The following CSMD2 variants were observed in gnomAD, a reference collection of about 807,000 sequenced individuals.
The protein encoded by CSMD2 is CUB and sushi domain-containing protein 2.
In CSMD2, 130 loss-of-function variants were observed where a neutral mutation model predicts 398.5. The ratio of observed to expected loss-of-function variants is 0.33; its 90% CI spans 0.28 to 0.38. The LOEUF is 0.38. Ranked by LOEUF, CSMD2 falls within the 10% of genes least tolerant of loss-of-function variation. CSMD2 has a pLI of 1.00. For missense variants in CSMD2, 3,829 were observed against 4,764.9 expected, an observed-to-expected ratio of 0.80 and a Z score of 5.78; for synonymous variants, 1,828 against 1,908.5, an observed-to-expected ratio of 0.96 and a Z score of 1.10.
rs1318757285 is a variant in CSMD2 at position 33,658,050 on chromosome 1, A to G, written c.4343T>C (p.Val1448Ala). Residue 1448 changes from valine (V) to alanine (A), a missense_variant, in exon 27 of 71, where the codon GTG (valine) becomes GCG (alanine). Val to Ala is a moderately conservative substitution (Grantham distance 64). Around this residue, in one of 5 missense-constraint regions of CSMD2, gnomAD observed 2,001 missense variants for 2,567.1 expected, o/e 0.78. Coordinates refer to ENST00000373381, the MANE Select transcript of CSMD2 (RefSeq NM_001281956.2). ...GDSWEAGDST[V>A]FQCDPGYALQ... Reference sequence around the variant, plus strand: ...CGCGTAGCCAGGGTCACACTGGAACACTGTGGAGTCGCCGGCTTCCCAACT... The same window carrying G: ...CGCGTAGCCAGGGTCACACTGGAACGCTGTGGAGTCGCCGGCTTCCCAACT... 1 of 1,614,192 alleles carries G rather than the reference A, an allele frequency of 6.2e-7. No individual in the cohort carries two copies. The highest frequency in any genetic ancestry group is 8.5e-7 in the Non-Finnish European group (1 of 1,180,034).
chr1:33,678,315 A>G (rs1337884240), intron 25 of CSMD2, among the ~76,000 whole-genome samples: 4 of 1,004 alleles, frequency 4.0e-3, no homozygotes, highest in Non-Finnish European at 5.4e-3. Flanking sequence ...TTATAAATTA[A>G]AAAAAAAAAA....
At chr1:33,725,225 A>C (rs2149205072) in intron 17 of CSMD2, 124 bp downstream of exon 17, 1 of 772,682 alleles carries the variant, frequency 1.3e-6, no homozygotes, top group South Asian at 1.8e-5. Flanking sequence ...TGAAGGGCAC[A>C]GCCTAGCCAA....
chr1:33,576,084 A>G (rs1660042734), intron 49 of CSMD2, among the ~76,000 whole-genome samples: 1 of 152,218 alleles, frequency 6.6e-6, no homozygotes, highest in Non-Finnish European at 1.5e-5. Flanking sequence ...ATCAGTATCG[A>G]CAGCTGTCAA....
intron 19 of CSMD2, among the ~76,000 whole-genome samples, chr1:33,723,975 T>C (rs1438328355): frequency 2.0e-5 from 3 of 152,196 alleles, no homozygotes; most frequent in Non-Finnish European, 4.4e-5. Flanking sequence ...CTAAGAGCTC[T>C]TCCAGCAGGG....
At chr1:33,697,145 A>G (rs1389335592) in intron 24 of CSMD2, among the ~76,000 whole-genome samples, 1 of 152,204 alleles carries the variant, frequency 6.6e-6, no homozygotes, top group African/African-American at 2.4e-5. Flanking sequence ...GTAATCTTAC[A>G]GTGAATCTTT....
chr1:33,954,293 G>C (rs1382172244), intron 3 of CSMD2, among the ~76,000 whole-genome samples: 1 of 151,998 alleles, frequency 6.6e-6, no homozygotes, highest in Non-Finnish European at 1.5e-5. Context: ...CCCTAAACTT[G>C]ACTGCCTTCC....
rs1357740719 is a variant in CSMD2, at chr1:33,559,313, C to A, written c.8541G>T (p.Leu2847=). Residue 2847 remains leucine (L), a synonymous_variant, in exon 54 of 71, where the codon CTG becomes CTT. Transcript: ENST00000373381. The surrounding 1 kb of genome is among the most constrained non-coding windows in gnomAD (Gnocchi z 4.0). ...AGGGTGACTCACTTCTGCAGGTGGGCAGCATGTCACTCCATTGCCCGCTGG... is the reference window on the plus strand; with the variant it reads ...AGGGTGACTCACTTCTGCAGGTGGGAAGCATGTCACTCCATTGCCCGCTGG... The part of the protein sequence containing the change: ...CLASGQWSDM[L]PTCRIINCTD... The A allele has an allele frequency of 3.3e-6, 5 of 1,535,102 alleles. No homozygotes were observed. Among genetic ancestry groups the A allele is most frequent in the Middle Eastern group, 1.9e-4 (1 of 5,336 alleles).
chr1:34,083,939 C>CAATA (rs1201527656), intron 2 of CSMD2, among the ~76,000 whole-genome samples: 1 of 151,490 alleles, frequency 6.6e-6, no homozygotes, highest in Non-Finnish European at 1.5e-5. Flanking sequence ...ATTAAAGACT[C>CAATA]AATAAATATT....
chr1:33,939,863 G>A (rs140010195), intron 3 of CSMD2, among the ~76,000 whole-genome samples: 13 of 152,298 alleles, frequency 8.5e-5, no homozygotes, highest in Admixed American at 2.0e-4. Flanking sequence ...TCAAATCCCC[G>A]ATCTGGCTGC....
chr1:33,947,954 A>C (rs574874903), intron 3 of CSMD2, among the ~76,000 whole-genome samples: 2 of 152,140 alleles, frequency 1.3e-5, no homozygotes, highest in Non-Finnish European at 2.9e-5. Context: ...AACCAGGGGA[A>C]CTGGGGTGTA....
chr1:33,920,862 G>A (rs1643912716), intron 4 of CSMD2, among the ~76,000 whole-genome samples: 3 of 152,210 alleles, frequency 2.0e-5, no homozygotes, highest in South Asian at 2.1e-4. Flanking sequence ...GTAACAGTGA[G>A]ACATAGTCAG....
At chr1:33,585,096 ACTT>A (rs766475369) in intron 46 of CSMD2, among the ~76,000 whole-genome samples, 104 of 152,300 alleles carry the variant, frequency 6.8e-4, no homozygotes, top group Admixed American at 1.6e-3. Context: ...GACTAAATCA[ACTT>A]CTTCAGTACA....
intron 3 of CSMD2, among the ~76,000 whole-genome samples, chr1:34,021,337 C>T (rs1289016879): frequency 6.6e-6 from 1 of 152,184 alleles, no homozygotes; most frequent in African/African-American, 2.4e-5. Flanking sequence ...GTCACCTGAC[C>T]CAAGGGCACA....
intron 21 of CSMD2, chr1:33,709,612 A>G (rs750240963): frequency 1.1e-5 from 4 of 362,382 alleles, no homozygotes; most frequent in Non-Finnish European, 2.0e-5. Flanking sequence ...AACAGAAATG[A>G]CCGAGGAGGA....
At chr1:33,921,769 G>A (rs1377829066) in intron 4 of CSMD2, among the ~76,000 whole-genome samples, 1 of 152,208 alleles carries the variant, frequency 6.6e-6, no homozygotes, top group Non-Finnish European at 1.5e-5. Flanking sequence ...GTCATGGTAG[G>A]TGTGGAGAAG....
At chr1:33,860,255 T>C (rs1238668957) in intron 5 of CSMD2, among the ~76,000 whole-genome samples, 1 of 152,244 alleles carries the variant, frequency 6.6e-6, no homozygotes, top group Non-Finnish European at 1.5e-5. Context: ...AGCCTTGCCC[T>C]GGTTTTTTAA....
chr1:33,675,806 A>T (rs891722046), intron 25 of CSMD2, among the ~76,000 whole-genome samples: 2 of 152,274 alleles, frequency 1.3e-5, no homozygotes, highest in Non-Finnish European at 2.9e-5. Flanking sequence ...GGTTCAACAT[A>T]CGCAAATCAA....
chr1:34,055,390 C>T (rs1262669947), intron 2 of CSMD2, among the ~76,000 whole-genome samples: 1 of 152,104 alleles, frequency 6.6e-6, no homozygotes, highest in African/African-American at 2.4e-5. Context: ...AGCATCAGGT[C>T]CCGTAGGTTG....
At chr1:33,926,989 G>A (rs1177531441) in intron 4 of CSMD2, among the ~76,000 whole-genome samples, 1 of 151,964 alleles carries the variant, frequency 6.6e-6, no homozygotes, top group East Asian at 1.9e-4. Context: ...TAGAAGATTT[G>A]GGGTCCTTGG....
Sources: allele counts gnomAD v4.1 joint callset (sites outside exome capture counted in the v4.1 genomes callset), GRCh38; gene constraint gnomAD v4.1.1; regional missense constraint gnomAD v4.1.1; non-coding constraint Gnocchi (gnomAD v3.1); transcripts MANE v1.5; gene names NCBI Gene and HGNC (gene_info 2026-07-23, HGNC 2026-07-21).